Variants in DRC4 observed in about 807,000 individuals in gnomAD.
The protein encoded by DRC4 is dynein regulatory complex subunit 4, also known as GAS-11.
At chr16:90,019,809 C>CG in the DRC4 span, 1 of 685,108 alleles carries the variant, frequency 1.5e-6, no homozygotes, top group Non-Finnish European at 2.6e-6. The surrounding 1 kb of genome is among the most constrained non-coding windows in gnomAD (Gnocchi z 6.1). Context: ...GGGCGCCCCT[C>CG]GGGGCTGGCG....
At chr16:90,041,072 G>C in the DRC4 span, among the ~76,000 whole-genome samples, 1 of 152,200 alleles carries the variant, frequency 6.6e-6, no homozygotes. Flanking sequence ...GGGTCCCACT[G>C]TTGGGAGGTG....
the DRC4 span, chr16:90,031,371 G>C: frequency 6.2e-7 from 1 of 1,613,684 alleles, no homozygotes; most frequent in African/African-American, 1.3e-5. Context: ...CTTCCAGCTG[G>C]AGCGGGACAA....
the DRC4 span, chr16:90,037,147 A>T: frequency 2.1e-6 from 3 of 1,396,372 alleles, no homozygotes; most frequent in South Asian, 4.4e-5. Context: ...GATGGGCAGG[A>T]GAGCACCCAG....
chr16:90,025,649 C>CAA, the DRC4 span, among the ~76,000 whole-genome samples: 815 of 45,480 alleles, frequency 0.018, 21 homozygotes, highest in African/African-American at 0.055. Flanking sequence ...GACTCTGTCT[C>CAA]AAAAAAAAAA....
the DRC4 span, chr16:90,031,484 G>A: frequency 6.4e-7 from 1 of 1,564,946 alleles, no homozygotes; most frequent in Non-Finnish European, 8.7e-7. Flanking sequence ...AGAGGCACCA[G>A]GTGGAGATCA....
the DRC4 span, chr16:90,044,761 G>T: frequency 2.7e-6 from 1 of 377,130 alleles, no homozygotes; most frequent in South Asian, 2.0e-5. Flanking sequence ...GAGGCTGTTA[G>T]GTCCTGCAGT....
chr16:90,024,622 A>C, the DRC4 span, among the ~76,000 whole-genome samples: 1 of 152,156 alleles, frequency 6.6e-6, no homozygotes, highest in African/African-American at 2.4e-5. Context: ...CCGCAGAAAA[A>C]CAGGCAGTTA....
the DRC4 span, chr16:90,027,535 G>A: frequency 5.1e-6 from 6 of 1,187,620 alleles, no homozygotes; most frequent in Non-Finnish European, 6.3e-6. Context: ...AGGGAGAGAG[G>A]TTCCAGAACC....
the DRC4 span, among the ~76,000 whole-genome samples, chr16:90,027,240 C>CCACT: frequency 6.6e-6 from 1 of 152,030 alleles, no homozygotes; most frequent in African/African-American, 2.4e-5. Flanking sequence ...CGCCCACCGG[C>CCACT]ACGCCCGGCT....
chr16:90,036,627 G>A, the DRC4 span: 8,607 of 1,527,352 alleles, frequency 5.6e-3, 436 homozygotes, highest in African/African-American at 0.1. Flanking sequence ...CACTCTGCCT[G>A]TCCTAGAATG....
At chr16:90,039,904 C>T in the DRC4 span, 184 of 290,558 alleles carry the variant, frequency 6.3e-4, no homozygotes, top group Admixed American at 1.7e-3. Flanking sequence ...CCAAGGGGCC[C>T]CACCTGCAAG....
the DRC4 span, chr16:90,031,170 A>C: frequency 4.3e-5 from 65 of 1,523,270 alleles, no homozygotes; most frequent in Non-Finnish European, 7.9e-6. Flanking sequence ...AACTTTTTAC[A>C]TTTAGCTGTT....
chr16:90,033,031 C>A, the DRC4 span: 1 of 1,077,292 alleles, frequency 9.3e-7, no homozygotes. Context: ...CATATTTCTG[C>A]ATAAGACTTT....
chr16:90,042,101 G>A, the DRC4 span, among the ~76,000 whole-genome samples: 3 of 151,972 alleles, frequency 2.0e-5, no homozygotes, highest in African/African-American at 4.8e-5. Context: ...CACCGTGCCC[G>A]GCTACTTTTC....
At chr16:90,043,420 G>A in the DRC4 span, 6 of 1,388,598 alleles carry the variant, frequency 4.3e-6, no homozygotes, top group South Asian at 6.4e-5. Context: ...TCACACCAAG[G>A]ACAGCAAGTT....
At chr16:90,036,059 A>C in the DRC4 span, 2 of 723,980 alleles carry the variant, frequency 2.8e-6, no homozygotes, top group Non-Finnish European at 4.2e-6. Context: ...ATAAAGGCTG[A>C]TTGTGGCTGG....
At chr16:90,032,358 T>C in the DRC4 span, among the ~76,000 whole-genome samples, 1 of 140,488 alleles carries the variant, frequency 7.1e-6, no homozygotes, top group African/African-American at 2.7e-5. Context: ...GGTGAGGAGG[T>C]GTGGTACAGG....
chr16:90,028,172 C>CTTTT, the DRC4 span, among the ~76,000 whole-genome samples: 8 of 75,004 alleles, frequency 1.1e-4, no homozygotes, highest in Non-Finnish European at 1.4e-4. Context: ...ATTAATCGTT[C>CTTTT]ATTTTTTTTT....
the DRC4 span, chr16:90,027,871 G>C: frequency 3.9e-5 from 26 of 672,316 alleles, no homozygotes; most frequent in Non-Finnish European, 6.5e-5. Flanking sequence ...ATTCCCATCA[G>C]CGGCAAAGCT....
Sources: allele counts gnomAD v4.1 joint callset (sites outside exome capture counted in the v4.1 genomes callset), GRCh38; gene constraint gnomAD v4.1.1; non-coding constraint Gnocchi (gnomAD v3.1); transcripts MANE v1.5; gene names NCBI Gene and HGNC (gene_info 2026-07-23, HGNC 2026-07-21).